PARP10: variants seen among roughly 807,000 people sequenced by gnomAD.
PARP10 encodes the protein poly(ADP-ribose) polymerase family member 10, also known as protein mono-ADP-ribosyltransferase PARP10.
A neutral mutation model predicts 82.4 loss-of-function variants in PARP10; 56 were observed. The observed-to-expected ratio is 0.68, with a 90% CI of 0.55 to 0.85. The LOEUF is 0.85. Among genes scored for constraint, PARP10 ranks in the 40% least tolerant of loss-of-function variants. PARP10 has a pLI of 0.00. For synonymous variants in PARP10, 576 were observed against 601.1 expected, an observed-to-expected ratio of 0.96 and a Z score of 0.61; for missense variants, 1,227 against 1,379.4, an observed-to-expected ratio of 0.89 and a Z score of 1.75.
At position 143,981,432 on chromosome 8, in the gene PARP10, GTGA is replaced by G. The variant is rs374435589; in HGVS notation, c.2556+1497_2556+1499del. Among the ~76,000 whole-genome samples the G allele has an allele frequency of 8.7e-3, 458 of 52,820 alleles. 2 individuals are homozygous for G. The highest frequency in any genetic ancestry group is 0.011 in the Admixed American group (67 of 5,966). The allele number at this position is 52,820 out of a possible 152,430, so 34.7% of individuals were successfully genotyped here. On this transcript the variant is annotated intron_variant, in intron 9 of 10. Coordinates refer to ENST00000313028, the MANE Select transcript of PARP10 (RefSeq NM_032789.5). ...ACGACAGTGAGTGGTGAAGGTGGTG[GTGA>G]TGATGGTGGTGACGACAGTGAGTGG...
At chr8:143,991,157 C>A (rs1355082893), upstream of PARP10, 6 of 1,149,556 alleles carry the variant, frequency 5.2e-6, no homozygotes, top group Non-Finnish European at 4.9e-6. Context: ...CCGACGCTGT[C>A]GTCAAGCCAA....
At chr8:143,996,004 C>T (rs1834161876), upstream of PARP10, among the ~76,000 whole-genome samples, 1 of 152,194 alleles carries the variant, frequency 6.6e-6, no homozygotes, top group African/African-American at 2.4e-5. Flanking sequence ...ACGCCTGCTT[C>T]CTGACAGCAC....
chr8:144,000,999 T>C (rs1261397735), intron 1 of PARP10, among the ~76,000 whole-genome samples: 1 of 147,456 alleles, frequency 6.8e-6, no homozygotes, highest in Non-Finnish European at 1.5e-5. Context: ...CTGCAAGCTC[T>C]GCCTCCCAGG....
intron 1 of PARP10, among the ~76,000 whole-genome samples, chr8:144,010,237 A>G (rs534501489): frequency 7.9e-5 from 12 of 152,184 alleles, no homozygotes; most frequent in Non-Finnish European, 1.3e-4. Flanking sequence ...TGATCATTCA[A>G]TTCATAGCCA....
intron 9 of PARP10, among the ~76,000 whole-genome samples, chr8:143,980,356 C>T (rs1468086140): frequency 5.1e-5 from 5 of 98,602 alleles, no homozygotes; most frequent in Non-Finnish European, 2.1e-5. Flanking sequence ...AAAAAACCAT[C>T]TCTACTAAAA....
chr8:144,004,159 A>C (rs1203370463), intron 1 of PARP10, among the ~76,000 whole-genome samples: 1 of 151,466 alleles, frequency 6.6e-6, no homozygotes, highest in Non-Finnish European at 1.5e-5. Context: ...CAAAAAATAA[A>C]AACAAAAAAT....
chr8:144,010,934 T>G (rs1371822033), intron 1 of PARP10, among the ~76,000 whole-genome samples: 2 of 151,836 alleles, frequency 1.3e-5, no homozygotes, highest in Admixed American at 1.3e-4. Flanking sequence ...AAAAATAAAT[T>G]TTTAAAAAGT....
At position 143,984,406 on chromosome 8, in the gene PARP10, TG is replaced by T; in HGVS notation, c.1483del (p.Gln495ArgfsTer96). On this transcript the variant is annotated frameshift_variant, in exon 6 of 11. Transcript: ENST00000313028. LOFTEE classifies it high-confidence loss of function. ...FRLCGAQASC[Q>X]AAEEFLRSLL... ...GCTCCGCAGAAACTCCTCAGCCGCC[TG>T]GCAGGAAGCCTGGGCTCCACAGAGC... The T allele has an allele frequency of 6.2e-7, 1 of 1,610,998 alleles. No individual in the cohort carries two copies. Among genetic ancestry groups the T allele is most frequent in the Non-Finnish European group, 8.5e-7 (1 of 1,179,206 alleles).
intron 1 of PARP10, among the ~76,000 whole-genome samples, chr8:143,997,805 T>C (rs1554751399): frequency 6.6e-6 from 1 of 151,952 alleles, no homozygotes; most frequent in Non-Finnish European, 1.5e-5. Context: ...TTTTTCCTTT[T>C]TTTTGAGACA....
At chr8:143,991,389 G>A (rs372176314), upstream of PARP10, 261 of 1,186,584 alleles carry the variant, frequency 2.2e-4, 1 homozygote, top group African/African-American at 3.8e-3. Flanking sequence ...CGGTCAGCCA[G>A]GGTACCCCCA....
rs573587316 is a variant in PARP10, at chr8:144,011,006, A to G, written c.-80+1524T>C. On this transcript the variant is annotated intron_variant, in intron 1 of 3. Transcript: ENST00000530478. The surrounding 1 kb of genome is among the most constrained non-coding windows in gnomAD (Gnocchi z 4.5). ...GAAGGTAATCTCCTTTAAAGTCAACATCTTGTAGCTATTAATCACGTCTAT... is the reference window on the plus strand; with the variant it reads ...GAAGGTAATCTCCTTTAAAGTCAACGTCTTGTAGCTATTAATCACGTCTAT... Among the ~76,000 whole-genome samples, 1 of 152,144 alleles carries G rather than the reference A, an allele frequency of 6.6e-6. No homozygotes were observed. The highest frequency in any genetic ancestry group is 1.5e-5 in the Non-Finnish European group (1 of 67,974).
upstream of PARP10, chr8:143,992,773 A>G: frequency 6.2e-7 from 1 of 1,613,918 alleles, no homozygotes; most frequent in Non-Finnish European, 8.5e-7. Context: ...TGCTGCGCTG[A>G]ACCTGTACAC....
chr8:143,991,268 T>G (rs1388117610), upstream of PARP10: 1 of 1,552,484 alleles, frequency 6.4e-7, no homozygotes, highest in Non-Finnish European at 8.8e-7. Context: ...ACAACTATCC[T>G]CCCCCCAACC....
intron 1 of PARP10, among the ~76,000 whole-genome samples, chr8:144,006,190 G>C (rs1259898265): frequency 6.6e-6 from 1 of 152,240 alleles, no homozygotes; most frequent in Non-Finnish European, 1.5e-5. Context: ...GTGTCCTGCG[G>C]GACCCGTGAT....
upstream of PARP10, among the ~76,000 whole-genome samples, chr8:143,995,810 C>T (rs1222266892): frequency 6.6e-6 from 1 of 152,154 alleles, no homozygotes; most frequent in Non-Finnish European, 1.5e-5. Flanking sequence ...AAAAACAAGA[C>T]CCCTCTGTTA....
Position 143,985,641 on chromosome 8 carries a change from A to G in PARP10, c.444T>C (p.Arg148=), listed in dbSNP as rs782065441. ...LPKPLSEADV[R]VLEEQAQNLG... ...GATTCTGGGCCTGCTCCTCCAGGAC[A>G]CGGACATCTGTGGGGTATGTGCAGG... Residue 148 remains arginine (R), a synonymous_variant, in exon 4 of 11, where the codon CGT becomes CGC. Transcript: ENST00000313028. 3.7e-6 allele frequency: 6 copies of G among 1,613,156 alleles called. No homozygotes were observed. Among genetic ancestry groups the G allele is most frequent in the Admixed American group, 3.3e-5 (2 of 59,876 alleles).
chr8:144,012,708 T>C (rs60050811), exon 1 of PARP10: 97,564 of 1,551,440 alleles, frequency 0.063, 7,676 homozygotes, highest in African/African-American at 0.4. Context: ...AGCAGGCCTT[T>C]CCTCACGCCA....
At chr8:143,986,704 C>T (rs1833998256), upstream of PARP10, 2 of 472,548 alleles carry the variant, frequency 4.2e-6, no homozygotes, top group Non-Finnish European at 7.7e-6. Context: ...CCTCCACTCC[C>T]CTGGCCTCCA....
At chr8:144,003,180 T>C (rs1554751817) in intron 1 of PARP10, among the ~76,000 whole-genome samples, 1 of 152,114 alleles carries the variant, frequency 6.6e-6, no homozygotes, top group Admixed American at 6.5e-5. Flanking sequence ...TCCAGCACTT[T>C]GGGAGGCCAA....
Sources: allele counts gnomAD v4.1 joint callset (sites outside exome capture counted in the v4.1 genomes callset), GRCh38; gene constraint gnomAD v4.1.1; non-coding constraint Gnocchi (gnomAD v3.1); transcripts MANE v1.5; gene names NCBI Gene and HGNC (gene_info 2026-07-23, HGNC 2026-07-21).